CDH13: variants seen among roughly 807,000 people sequenced by gnomAD.
CDH13 encodes the protein cadherin 13, also known as cadherin-13.
In CDH13, 24 loss-of-function variants were observed where a neutral mutation model predicts 63.8. The ratio of observed to expected loss-of-function variants is 0.38; its 90% CI spans 0.27 to 0.53. The LOEUF is 0.53. Among genes scored for constraint, CDH13 ranks in the 20% least tolerant of loss-of-function variants. CDH13 has a pLI of 0.85. For missense variants in CDH13, 1,049 were observed against 903.1 expected (o/e 1.16, Z -2.07); for synonymous variants, 503 against 355.3 (o/e 1.42, Z -4.67).
intron 4 of CDH13, among the ~76,000 whole-genome samples, chr16:83,187,532 T>G (rs2038562890): frequency 6.6e-6 from 1 of 151,940 alleles, no homozygotes; most frequent in Non-Finnish European, 1.5e-5. Context: ...CTCAGGGACT[T>G]TAGGATGTAG....
At chr16:83,426,538 C>CACACAG (rs1481801320) in intron 6 of CDH13, among the ~76,000 whole-genome samples, 1 of 151,872 alleles carries the variant, frequency 6.6e-6, no homozygotes, top group Non-Finnish European at 1.5e-5. Flanking sequence ...CACACACACA[C>CACACAG]ACACACTCAT....
chr16:82,778,710 A>C (rs2035613837), intron 1 of CDH13, among the ~76,000 whole-genome samples: 1 of 152,038 alleles, frequency 6.6e-6, no homozygotes. Flanking sequence ...AGTAGATTTG[A>C]ACTCATACCT....
At chr16:83,483,117 G>A (rs1039857360) in intron 6 of CDH13, among the ~76,000 whole-genome samples, 1 of 152,170 alleles carries the variant, frequency 6.6e-6, no homozygotes, top group African/African-American at 2.4e-5. Context: ...ATGTGGCCAC[G>A]GTCACGCAGC....
intron 3 of CDH13, among the ~76,000 whole-genome samples, chr16:83,048,864 A>T (rs1291674127): frequency 1.3e-5 from 2 of 152,044 alleles, no homozygotes; most frequent in Admixed American, 1.3e-4. Flanking sequence ...TCTCCTTCAA[A>T]TCGCTGCCTC....
intron 1 of CDH13, among the ~76,000 whole-genome samples, chr16:82,718,590 G>T (rs2032546346): frequency 1.3e-5 from 2 of 152,186 alleles, no homozygotes; most frequent in Admixed American, 6.5e-5. Flanking sequence ...ATATATCTAA[G>T]ACTGGGCAAT....
chr16:83,590,848 A>G (rs1470577609), intron 7 of CDH13, among the ~76,000 whole-genome samples: 1 of 151,400 alleles, frequency 6.6e-6, no homozygotes, highest in Non-Finnish European at 1.5e-5. Context: ...CTTCTGAATC[A>G]TAAATGCTGC....
chr16:82,666,999 G>A (rs752932203), intron 1 of CDH13, among the ~76,000 whole-genome samples: 6 of 152,234 alleles, frequency 3.9e-5, no homozygotes, highest in Non-Finnish European at 7.4e-5. Flanking sequence ...AACACGCTTT[G>A]CCCTACTGCT....
intron 7 of CDH13, among the ~76,000 whole-genome samples, chr16:83,511,127 T>TGCAC (rs2074552478): frequency 6.2e-5 from 8 of 128,030 alleles, no homozygotes; most frequent in Non-Finnish European, 1.0e-4. Flanking sequence ...CACATGCACA[T>TGCAC]GTGCACACAT....
chr16:82,846,084 A>G (rs1031904344), intron 1 of CDH13, among the ~76,000 whole-genome samples: 1 of 152,184 alleles, frequency 6.6e-6, no homozygotes, highest in African/African-American at 2.4e-5. Context: ...AATCTGGAAA[A>G]CAACCCAGAG....
At chr16:83,583,386 A>G (rs1007065288) in intron 7 of CDH13, among the ~76,000 whole-genome samples, 18 of 152,258 alleles carry the variant, frequency 1.2e-4, no homozygotes, top group Middle Eastern at 6.8e-3. Flanking sequence ...CACTCACTTC[A>G]CTTTGAGGAG....
At chr16:82,825,406 GTACCTC>G (rs1489914897) in intron 1 of CDH13, 1 of 151,934 alleles carries the variant, frequency 6.6e-6, no homozygotes, top group Non-Finnish European at 1.5e-5. Context: ...TAGTAGCAAA[GTACCTC>G]ATTCTTTTTC....
chr16:82,810,660 AG>A (rs2037398155), intron 1 of CDH13, among the ~76,000 whole-genome samples: 1 of 152,152 alleles, frequency 6.6e-6, no homozygotes, highest in African/African-American at 2.4e-5. Context: ...TGGCTGGTCA[AG>A]GGATTACCAG....
chr16:82,710,569 ATATATAT>A (rs2031854204), intron 1 of CDH13, among the ~76,000 whole-genome samples: 1 of 123,846 alleles, frequency 8.1e-6, no homozygotes, highest in African/African-American at 2.8e-5. Context: ...ATATATATAT[ATATATAT>A]AAATATATTT....
At chr16:83,426,858 C>G (rs1396412993) in intron 6 of CDH13, among the ~76,000 whole-genome samples, 4 of 149,942 alleles carry the variant, frequency 2.7e-5, no homozygotes, top group Non-Finnish European at 4.4e-5. Flanking sequence ...TAATGGCCCC[C>G]CAAATATGAC....
intron 5 of CDH13, among the ~76,000 whole-genome samples, chr16:83,239,481 C>T (rs544868600): frequency 2.0e-5 from 3 of 152,286 alleles, no homozygotes; most frequent in East Asian, 1.9e-4. Context: ...GGTCTTACTT[C>T]GCCAGCCACC....
intron 7 of CDH13, among the ~76,000 whole-genome samples, chr16:83,559,543 C>T (rs1436687316): frequency 6.7e-6 from 1 of 148,870 alleles, no homozygotes; most frequent in Non-Finnish European, 1.5e-5. Flanking sequence ...TGCACTCCAG[C>T]TTGGGCAACA....
chr16:83,203,733 G>T (rs1373417874), intron 4 of CDH13, among the ~76,000 whole-genome samples: 1 of 151,474 alleles, frequency 6.6e-6, no homozygotes, highest in Admixed American at 6.6e-5. Flanking sequence ...AAAAAATTTG[G>T]TTTAACCTTT....
intron 2 of CDH13, among the ~76,000 whole-genome samples, chr16:82,885,114 C>T (rs192675343): frequency 3.2e-4 from 48 of 152,218 alleles, no homozygotes; most frequent in African/African-American, 1.1e-3. Flanking sequence ...CTACCTAGAA[C>T]CCAACTGCAC....
intron 2 of CDH13, among the ~76,000 whole-genome samples, chr16:82,995,176 C>G (rs891179268): frequency 8.5e-5 from 13 of 152,178 alleles, no homozygotes; most frequent in Admixed American, 6.5e-5. Context: ...GACCCTCTCT[C>G]CATTCTAGGG....
Sources: gnomAD v4.1 joint callset for allele counts (sites outside exome capture counted in the v4.1 genomes callset) on GRCh38, gnomAD v4.1.1 for gene constraint, MANE v1.5 for transcripts, NCBI Gene and HGNC (gene_info 2026-07-23, HGNC 2026-07-21) for gene names.